The following XRCC4 variants were observed in gnomAD, a reference collection of about 807,000 sequenced individuals.
XRCC4 encodes X-ray repair cross complementing 4.
In XRCC4, 28 loss-of-function variants were observed where a neutral mutation model predicts 39.1. The ratio of observed to expected loss-of-function variants is 0.72; its 90% CI spans 0.53 to 0.98. The LOEUF is 0.98. Among genes scored for constraint, XRCC4 ranks in the 50% least tolerant of loss-of-function variants. The pLI is 0.00. For synonymous variants in XRCC4, 123 were observed against 126.4 expected, an observed-to-expected ratio of 0.97 and a Z score of 0.18; for missense variants, 350 against 376.4, an observed-to-expected ratio of 0.93 and a Z score of 0.58.
chr5:83,159,428 C>T (rs1389334669), intron 3 of XRCC4, among the ~76,000 whole-genome samples: 1 of 152,070 alleles, frequency 6.6e-6, no homozygotes, highest in African/African-American at 2.4e-5. Context: ...AGAACACTGC[C>T]ATGTGAGTGA....
At chr5:83,364,259 CAG>C in the XRCC4 span, among the ~76,000 whole-genome samples, 1 of 152,174 alleles carries the variant, frequency 6.6e-6, no homozygotes, top group African/African-American at 2.4e-5. Context: ...CAAGTTTCAA[CAG>C]AAAATTTGAG....
intron 3 of XRCC4, among the ~76,000 whole-genome samples, chr5:83,118,968 T>C (rs1202092158): frequency 6.6e-6 from 1 of 152,240 alleles, no homozygotes; most frequent in Non-Finnish European, 1.5e-5. Context: ...ACTCTGTATC[T>C]TACTATATTT....
At position 83,257,407 on chromosome 5, in the gene XRCC4, A is replaced by T. The variant is rs1048670124; in HGVS notation, c.746-1123A>T. On this transcript the variant is annotated intron_variant, in intron 6 of 7. Coordinates refer to ENST00000396027, the MANE Select transcript of XRCC4 (RefSeq NM_003401.5). ...GAACAGACACTTCTCAAAAGAAGACATTTATGCGGTCAACAGACATATGAA... is the reference window on the plus strand; with the variant it reads ...GAACAGACACTTCTCAAAAGAAGACTTTTATGCGGTCAACAGACATATGAA... Among the ~76,000 whole-genome samples, 3 of 152,174 alleles carry T rather than the reference A, an allele frequency of 2.0e-5. No homozygotes were observed. In the East Asian group the frequency reaches 5.8e-4, roughly 29 times the overall value.
chr5:83,227,533 A>T (rs937427706), intron 6 of XRCC4, among the ~76,000 whole-genome samples: 11 of 152,098 alleles, frequency 7.2e-5, no homozygotes, highest in Admixed American at 4.6e-4. Context: ...CGTGATTTTT[A>T]CTGGTTAACA....
chr5:83,337,291 A>G (rs1315166580), intron 7 of XRCC4, among the ~76,000 whole-genome samples: 5 of 152,216 alleles, frequency 3.3e-5, no homozygotes, highest in Admixed American at 1.3e-4. Context: ...AGTAACAAAG[A>G]TGTCCACAAT....
chr5:83,179,941 G>T (rs1423645009), intron 3 of XRCC4, among the ~76,000 whole-genome samples: 1 of 152,152 alleles, frequency 6.6e-6, no homozygotes, highest in Non-Finnish European at 1.5e-5. Context: ...TACTGAATTA[G>T]AAGGCAAGGT....
chr5:83,198,840 G>T (rs1014897641), intron 4 of XRCC4, among the ~76,000 whole-genome samples: 1 of 152,078 alleles, frequency 6.6e-6, no homozygotes, highest in East Asian at 1.9e-4. Context: ...GGCATCAGTG[G>T]ATTAATTTTG....
chr5:83,346,579 GGTAAA>G (rs3836872), intron 7 of XRCC4, among the ~76,000 whole-genome samples: 3,665 of 152,128 alleles, frequency 0.024, 100 homozygotes, highest in East Asian at 0.14. Context: ...GAAAACATTA[GGTAAA>G]GTAAATGTTT....
intron 3 of XRCC4, among the ~76,000 whole-genome samples, chr5:83,182,685 G>A (rs1481753262): frequency 6.6e-6 from 1 of 152,174 alleles, no homozygotes; most frequent in Admixed American, 6.5e-5. Context: ...GGTATTAAGA[G>A]GTGTGGCTCT....
intron 3 of XRCC4, among the ~76,000 whole-genome samples, chr5:83,172,928 C>T (rs1749794643): frequency 6.6e-6 from 1 of 152,006 alleles, no homozygotes; most frequent in Non-Finnish European, 1.5e-5. Context: ...AGTGGCTGTT[C>T]TTAGTGATGA....
chr5:83,164,992 C>T (rs1749392188), intron 3 of XRCC4, among the ~76,000 whole-genome samples: 1 of 151,774 alleles, frequency 6.6e-6, no homozygotes, highest in African/African-American at 2.4e-5. Flanking sequence ...ATATTTTTCT[C>T]TTCAAGCTTC....
At chr5:83,309,266 CAAAAAAAAAAAAAA>C (rs59326460) in intron 7 of XRCC4, among the ~76,000 whole-genome samples, 1 of 17,384 alleles carries the variant, frequency 5.8e-5, no homozygotes, top group African/African-American at 1.3e-4. Context: ...GACTCCGTCT[CAAAAAAAAAAAAAA>C]AAAAAAAAAA....
intron 6 of XRCC4, among the ~76,000 whole-genome samples, chr5:83,231,111 G>A (rs1408216528): frequency 1.3e-5 from 2 of 151,998 alleles, no homozygotes; most frequent in Non-Finnish European, 2.9e-5. Context: ...GATTTAGACT[G>A]TGAGCTGAGA....
chr5:83,348,896 G>A (rs559573931), intron 7 of XRCC4, among the ~76,000 whole-genome samples: 15 of 152,268 alleles, frequency 9.9e-5, no homozygotes, highest in African/African-American at 3.1e-4. Flanking sequence ...ATGCTTTGCT[G>A]CTTAGAAATT....
intron 7 of XRCC4, among the ~76,000 whole-genome samples, chr5:83,335,342 T>C: frequency 6.6e-6 from 1 of 151,940 alleles, no homozygotes; most frequent in East Asian, 1.9e-4. Context: ...TAATTACTTA[T>C]AATTATTAAC....
chr5:83,364,448 C>A, the XRCC4 span, among the ~76,000 whole-genome samples: 2 of 152,062 alleles, frequency 1.3e-5, no homozygotes, highest in East Asian at 1.9e-4. Context: ...AAAAAAAAAT[C>A]TTTTATGAGT....
At chr5:83,143,779 T>G (rs1748298642) in intron 3 of XRCC4, among the ~76,000 whole-genome samples, 1 of 152,156 alleles carries the variant, frequency 6.6e-6, no homozygotes, top group Admixed American at 6.5e-5. Context: ...TTTTTTCTGA[T>G]AAGTTAGCAT....
chr5:83,135,916 T>C (rs1200500451), intron 3 of XRCC4, among the ~76,000 whole-genome samples: 4 of 152,244 alleles, frequency 2.6e-5, no homozygotes, highest in Non-Finnish European at 5.9e-5. Context: ...TTTTTCTTTT[T>C]CTTTGCATGC....
At chr5:83,127,798 C>T (rs576186925) in intron 3 of XRCC4, among the ~76,000 whole-genome samples, 4 of 151,432 alleles carry the variant, frequency 2.6e-5, no homozygotes, top group East Asian at 1.9e-4. Context: ...TGAATTCTAT[C>T]GGATTTTATG....
Sources: gnomAD v4.1 joint callset for allele counts (sites outside exome capture counted in the v4.1 genomes callset) on GRCh38, gnomAD v4.1.1 for gene constraint, MANE v1.5 for transcripts, NCBI Gene and HGNC (gene_info 2026-07-23, HGNC 2026-07-21) for gene names.